The following ALOX15B variants were observed in gnomAD, a reference collection of about 807,000 sequenced individuals.
The protein encoded by ALOX15B is polyunsaturated fatty acid lipoxygenase ALOX15B.
ALOX15B carries 74 observed loss-of-function variants against 73.8 expected under a neutral mutation model. That is an observed-to-expected ratio of 1.00 (90% CI 0.83 to 1.22). The LOEUF (loss-of-function observed/expected upper bound fraction) is 1.22, where lower values mean the gene tolerates loss of function less well. Among genes scored for constraint, ALOX15B ranks in the 50% most tolerant of loss-of-function variants. The pLI, the probability that ALOX15B is intolerant of heterozygous loss-of-function variation, is 0.00. For synonymous variants in ALOX15B, 353 were observed against 357.2 expected (o/e 0.99, Z 0.13); for missense variants, 896 against 859.9 (o/e 1.04, Z -0.52).
Position 8,045,543 on chromosome 17 carries a change from T to G in ALOX15B, c.1057T>G (p.Trp353Gly). The change falls in exon 8 of 14, where the codon TGG becomes GGG. Residue 353 changes from tryptophan (W) to glycine (G), a missense_variant. Coordinates refer to ENST00000380183, the MANE Select transcript of ALOX15B (RefSeq NM_001141.3). ...CCTGCCCACTGATGACAAGTGGGACTGGTTGCTGGCCAAGACCTGGGTGCG... is the reference window on the plus strand; with the variant it reads ...CCTGCCCACTGATGACAAGTGGGACGGGTTGCTGGCCAAGACCTGGGTGCG... The part of the protein sequence containing the change: ...IFLPTDDKWD[W>G]LLAKTWVRNA... The G allele has an allele frequency of 6.2e-7, 1 of 1,614,186 alleles. No homozygotes were observed.
At position 8,044,869 on chromosome 17, in the gene ALOX15B, C is replaced by T. The variant is rs1598164566; in HGVS notation, c.717C>T (p.Ala239=). 6.2e-7 allele frequency: 1 copy of T among 1,613,976 alleles called. No homozygotes were observed. Among genetic ancestry groups the T allele is most frequent in the Middle Eastern group, 1.7e-4 (1 of 6,060 alleles). The change falls in exon 6 of 14, where the codon GCC becomes GCT. Residue 239 remains alanine, a synonymous_variant. Coordinates refer to ENST00000380183, the MANE Select transcript of ALOX15B (RefSeq NM_001141.3). The part of the protein sequence containing the change: ...FEHWQEDAFF[A]SQFLNGLNPV... Reference sequence around the variant, plus strand: ...ACTGGCAGGAGGACGCCTTCTTCGCCTCCCAGTTCCTGAATGGTCTCAACC... The same window carrying T: ...ACTGGCAGGAGGACGCCTTCTTCGCTTCCCAGTTCCTGAATGGTCTCAACC...
At chr17:8,045,828 C>T in intron 8 of ALOX15B, 142 bp downstream of exon 8, 2 of 897,350 alleles carry the variant, frequency 2.2e-6, no homozygotes, top group Non-Finnish European at 3.4e-6. Flanking sequence ...GCACAACTCC[C>T]CTGGAAGCCT....
intron 3 of ALOX15B, 26 bp from the exon 4 acceptor site, chr17:8,042,343 G>A (rs756515236): frequency 6.2e-7 from 1 of 1,612,108 alleles, no homozygotes; most frequent in South Asian, 1.1e-5. Context: ...GCCTCTTGCT[G>A]ACCACCTTCC....
At position 8,039,076 on chromosome 17, in the gene ALOX15B, G is replaced by C; in HGVS notation, c.-80G>C. The C allele has an allele frequency of 6.5e-7, 1 of 1,536,752 alleles. No individual in the cohort carries two copies. The highest frequency in any genetic ancestry group is 8.7e-7 in the Non-Finnish European group (1 of 1,144,998). On this transcript the variant is annotated 5_prime_UTR_variant, in exon 1 of 14. Transcript: ENST00000380183. ...TTGGAGTCAGTGGCAATAACCAGGGGCAATAACCAGGCGTGTCCCAGGGGG... is the reference window on the plus strand; with the variant it reads ...TTGGAGTCAGTGGCAATAACCAGGGCCAATAACCAGGCGTGTCCCAGGGGG...
At chr17:8,042,576 C>A in intron 4 of ALOX15B, 85 bp downstream of exon 4, 1 of 1,546,186 alleles carries the variant, frequency 6.5e-7, no homozygotes, top group Non-Finnish European at 8.8e-7. Context: ...AGTTCCCCCA[C>A]CCTCAGTGAT....
At chr17:8,046,004 G>A (rs1379618932) in intron 8 of ALOX15B, among the ~76,000 whole-genome samples, 3 of 130,618 alleles carry the variant, frequency 2.3e-5, no homozygotes. Flanking sequence ...AGACCAACAA[G>A]TTCTCTGCAG....
chr17:8,041,305 G>A (rs1363009696), intron 3 of ALOX15B, among the ~76,000 whole-genome samples: 1 of 152,212 alleles, frequency 6.6e-6, no homozygotes, highest in African/African-American at 2.4e-5. Context: ...GGGTTAGGAG[G>A]AACAAATGAG....
chr17:8,043,786 C>T (rs1012540479), intron 5 of ALOX15B, among the ~76,000 whole-genome samples: 1 of 151,956 alleles, frequency 6.6e-6, no homozygotes, highest in Non-Finnish European at 1.5e-5. Context: ...CCCCAGGCTC[C>T]GGCTGGGCGC....
At chr17:8,045,910 T>A (rs1307792100) in intron 8 of ALOX15B, among the ~76,000 whole-genome samples, 2 of 151,894 alleles carry the variant, frequency 1.3e-5, no homozygotes, top group Non-Finnish European at 2.9e-5. Context: ...TCAGGCAGCA[T>A]CAACAGCCGT....
chr17:8,045,225 C>G lies in ALOX15B; in HGVS notation c.850-13C>G. The G allele has an allele frequency of 6.2e-7, 1 of 1,614,056 alleles. No individual in the cohort carries two copies. Among genetic ancestry groups the G allele is most frequent in the Non-Finnish European group, 8.5e-7 (1 of 1,180,030 alleles). ...AAACCAGGTGGCAGCCCCAGATCTC[C>G]TTTCTTCTGCAGAAGGGCTCCCTGT... On this transcript the variant is annotated splice_polypyrimidine_tract_variant and intron_variant, in intron 6 of 13. Transcript: ENST00000380183.
rs1353484540 is a variant in ALOX15B at position 8,047,779 on chromosome 17, C to T, written c.1715C>T (p.Pro572Leu). 4.3e-6 allele frequency: 7 copies of T among 1,614,052 alleles called. No homozygotes were observed. Among genetic ancestry groups the T allele is most frequent in the Non-Finnish European group, 5.9e-6 (7 of 1,180,036 alleles). Residue 572 changes from proline (P) to leucine (L), a missense_variant, in exon 13 of 14, where the codon CCC becomes CTC. Pro to Leu is a moderately conservative substitution (Grantham distance 98, BLOSUM62 -3). Coordinates refer to ENST00000380183, the MANE Select transcript of ALOX15B (RefSeq NM_001141.3). ...TGTGCTTGGATGCCCAACCTGCCAC[C>T]CAGCATGCAGCTGCCACCACCCACC... is the stretch of plus-strand genomic sequence containing the variant. ...DSCAWMPNLP[P>L]SMQLPPPTSK... is the part of the protein sequence containing the mutation.
rs1211333642 is a variant in ALOX15B at position 8,048,893 on chromosome 17, G to A, written c.*328G>A. ...GTTTTGCGTTTTACAGCCGTGGGGG[G>A]AAGCACATAATCCCGCCCCAGGGCC... On this transcript the variant is annotated 3_prime_UTR_variant, in exon 14 of 14. Transcript: ENST00000380183. 4.7e-6 allele frequency: 1 copy of A among 211,668 alleles called. No homozygotes were observed. The highest frequency in any genetic ancestry group is 1.2e-4 in the South Asian group (1 of 8,102). 13.1% of individuals were successfully genotyped at this position (211,668 alleles called of 1,614,324 possible).
chr17:8,040,646 A>AGAAAGAAAGAAAGAAAGAAG lies in ALOX15B; in HGVS notation c.449+671_449+672insGAAAGAAAGAAGGAAAGAAA, dbSNP rs1555638499. On this transcript the variant is annotated intron_variant, in intron 3 of 13. Coordinates refer to ENST00000380183, the MANE Select transcript of ALOX15B (RefSeq NM_001141.3). ...AAGAAAGAAAGAAAGAAAGAAAGAA[A>AGAAAGAAAGAAAGAAAGAAG]GAAAGAAAAGAAAGAGAAAGAAACT... 3.8e-3 allele frequency among the ~76,000 whole-genome samples: 468 copies of AGAAAGAAAGAAAGAAAGAAG among 123,266 alleles called. 1 individual carries two copies. The highest frequency in any genetic ancestry group is 8.5e-3 in the South Asian group (35 of 4,124). The allele number at this position is 123,266 out of a possible 152,430, so 80.9% of individuals were successfully genotyped here.
intron 3 of ALOX15B, among the ~76,000 whole-genome samples, chr17:8,040,601 G>GAAAGAAAGAAAGAAAGAA (rs1555638442): frequency 7.3e-5 from 8 of 109,528 alleles, no homozygotes; most frequent in East Asian, 2.8e-4. Context: ...AAGAAAGAGA[G>GAAAGAAAGAAAGAAAGAA]AGAAAGAAAG....
intron 5 of ALOX15B, 67 bp from the exon 6 acceptor site, chr17:8,044,762 G>T (rs1049298860): frequency 3.5e-5 from 12 of 342,698 alleles, no homozygotes; most frequent in Admixed American, 1.7e-4. Context: ...CCCCGTCCCC[G>T]TGTCCCCCAC....
chr17:8,047,711 C>G, intron 12 of ALOX15B, 34 bp from the exon 13 acceptor site: 2 of 1,613,854 alleles, frequency 1.2e-6, no homozygotes, highest in Non-Finnish European at 8.5e-7. Context: ...GGTGACCCAG[C>G]TCCTCAGCCT....
intron 3 of ALOX15B, 148 bp from the exon 4 acceptor site, chr17:8,042,221 A>G (rs1197111999): frequency 5.1e-6 from 5 of 979,626 alleles, no homozygotes; most frequent in Non-Finnish European, 7.4e-6. Context: ...CTCCTTGGGT[A>G]GAATGGAAGG....
In ALOX15B at chr17:8,046,651, A is replaced by T; in HGVS notation, c.1201-17A>T. ...AACCCAGGCCTCCCCTAGCTCTGCC[A>T]TTTTCCTGCCATGCAGCTGCTGATC... On this transcript the variant is annotated splice_polypyrimidine_tract_variant and intron_variant, in intron 8 of 13. Transcript: ENST00000380183. 10 of 1,611,464 alleles carry T rather than the reference A, an allele frequency of 6.2e-6. No individual in the cohort carries two copies. The highest frequency in any genetic ancestry group is 8.5e-6 in the Non-Finnish European group (10 of 1,178,936).
Position 8,048,520 on chromosome 17 carries a change from C to T in ALOX15B, c.1986C>T (p.Tyr662=), listed in dbSNP as rs200451969. The change falls in exon 14 of 14, where the codon TAC becomes TAT. Residue 662 remains tyrosine (Y), a synonymous_variant. Coordinates refer to ENST00000380183, the MANE Select transcript of ALOX15B (RefSeq NM_001141.3). ...QERNQGLVLP[Y]TYLDPPLIEN... The stretch of plus-strand genomic sequence containing the variant: ...GGAACCAGGGCCTGGTGCTGCCCTA[C>T]ACCTACCTAGACCCTCCCCTCATCG... The T allele has an allele frequency of 2.8e-4, 454 of 1,614,158 alleles. No individual in the cohort carries two copies. The highest frequency in any genetic ancestry group is 3.3e-4 in the Non-Finnish European group (384 of 1,180,014).
Sources: gnomAD v4.1 joint callset for allele counts (sites outside exome capture counted in the v4.1 genomes callset) on GRCh38, gnomAD v4.1.1 for gene constraint, MANE v1.5 for transcripts, NCBI Gene and HGNC (gene_info 2026-07-23, HGNC 2026-07-21) for gene names.